The following RPTOR variants were observed in gnomAD, a reference collection of about 807,000 sequenced individuals.
RPTOR encodes the protein regulatory-associated protein of mTOR.
In RPTOR, 21 loss-of-function variants were observed where a neutral mutation model predicts 169.9. That is an observed-to-expected ratio of 0.12 (90% CI 0.09 to 0.18). The LOEUF is 0.18. RPTOR is among the 10% of genes least tolerant of loss of function. The pLI is 1.00. For missense variants in RPTOR, 1,133 were observed against 1,855.9 expected (o/e 0.61, Z 7.16); for synonymous variants, 732 against 753.2 (o/e 0.97, Z 0.46).
chr17:80,889,713 G>A (rs2068292424), intron 17 of RPTOR, among the ~76,000 whole-genome samples: 1 of 152,232 alleles, frequency 6.6e-6, no homozygotes, highest in Non-Finnish European at 1.5e-5. Context: ...GGAAGGGCAG[G>A]AAGGGTCCAA....
intron 3 of RPTOR, among the ~76,000 whole-genome samples, chr17:80,672,162 G>A (rs1375493092): frequency 2.6e-5 from 4 of 152,156 alleles, no homozygotes; most frequent in African/African-American, 4.8e-5. Flanking sequence ...GTGAAGGTCA[G>A]GTTAAGATCT....
chr17:80,753,901 C>A, intron 5 of RPTOR, 109 bp from the exon 6 acceptor site: 1 of 1,040,032 alleles, frequency 9.6e-7, no homozygotes, highest in Non-Finnish European at 1.5e-6. Context: ...TGAAAACTCA[C>A]AGCCTGAGTT....
chr17:80,887,790 G>A (rs184015154), intron 17 of RPTOR, among the ~76,000 whole-genome samples: 171 of 152,348 alleles, frequency 1.1e-3, no homozygotes, highest in African/African-American at 3.8e-3. Context: ...AACGATGGCC[G>A]AGTAGGTTTT....
chr17:80,952,028 A>G (rs993672899), intron 28 of RPTOR, among the ~76,000 whole-genome samples: 4 of 152,150 alleles, frequency 2.6e-5, no homozygotes, highest in African/African-American at 7.2e-5. Flanking sequence ...CACTCACCCA[A>G]TGAGGTCACG....
At chr17:80,769,223 G>T (rs1245072202) in intron 6 of RPTOR, among the ~76,000 whole-genome samples, 1 of 139,378 alleles carries the variant, frequency 7.2e-6, no homozygotes, top group East Asian at 2.0e-4. Flanking sequence ...TGCCAGCCTT[G>T]TTGTAAAATG....
intron 20 of RPTOR, among the ~76,000 whole-genome samples, chr17:80,897,557 G>A (rs1056105086): frequency 3.9e-5 from 6 of 152,204 alleles, no homozygotes; most frequent in African/African-American, 1.4e-4. Flanking sequence ...TGAATTTCTT[G>A]TGAAATATCC....
chr17:80,752,150 C>G (rs887748178), intron 5 of RPTOR, among the ~76,000 whole-genome samples: 1 of 152,210 alleles, frequency 6.6e-6, no homozygotes, highest in African/African-American at 2.4e-5. Context: ...ATCTCACAGC[C>G]TGTGGTGTGT....
At chr17:80,796,137 C>A (rs550902503) in intron 7 of RPTOR, among the ~76,000 whole-genome samples, 25 of 152,324 alleles carry the variant, frequency 1.6e-4, no homozygotes, top group African/African-American at 5.5e-4. Flanking sequence ...ACACTGCTGT[C>A]AAGACACTGC....
chr17:80,700,325 C>G (rs576122098), intron 3 of RPTOR, among the ~76,000 whole-genome samples: 1 of 152,070 alleles, frequency 6.6e-6, no homozygotes, highest in East Asian at 1.9e-4. Flanking sequence ...TGAAACAAGG[C>G]TGGAGGATAA....
At chr17:80,638,592 G>A (rs941074739) in intron 2 of RPTOR, among the ~76,000 whole-genome samples, 3 of 151,654 alleles carry the variant, frequency 2.0e-5, no homozygotes, top group African/African-American at 7.3e-5. Context: ...TTGTAGAGAC[G>A]GGGTCTCATT....
chr17:80,784,983 C>T (rs991240360), intron 6 of RPTOR, among the ~76,000 whole-genome samples: 3 of 152,192 alleles, frequency 2.0e-5, no homozygotes, highest in Non-Finnish European at 4.4e-5. Flanking sequence ...GCCTTGGCCT[C>T]CCAAAGTGCT....
rs1419713768 is a variant in RPTOR at position 80,811,370 on chromosome 17, G to T, written c.891-10831G>T. Among the ~76,000 whole-genome samples the T allele has an allele frequency of 2.6e-5, 4 of 152,184 alleles. No homozygotes were observed. The South Asian group carries it at 6.2e-4, about 24-fold the overall frequency. On this transcript the variant is annotated intron_variant, in intron 7 of 33. Coordinates refer to ENST00000306801, the MANE Select transcript of RPTOR (RefSeq NM_020761.3). ...TACAGCTGTTCACCCTGTTCAGATG[G>T]TGCATCACATGAATGATGTTCAGAT...
At position 80,708,097 on chromosome 17, in the gene RPTOR, C is replaced by T; in HGVS notation, c.507+98C>T. The T allele has an allele frequency of 8.1e-7, 1 of 1,234,204 alleles. No individual in the cohort carries two copies. Among genetic ancestry groups the T allele is most frequent in the Non-Finnish European group, 1.1e-6 (1 of 891,364 alleles). 76.5% of individuals were successfully genotyped at this position (1,234,204 alleles called of 1,614,324 possible). On this transcript the variant is annotated intron_variant, in intron 4 of 33. Transcript: ENST00000306801. This position sits in a 1 kb window ranked among gnomAD's most constrained non-coding sequence, Gnocchi z 4.2. Reference sequence around the variant, plus strand: ...TGCCCATCCGTAGCTTCTGTTAAGCCATTGATGTTTACTGTGTTTCAACAA... The same window carrying T: ...TGCCCATCCGTAGCTTCTGTTAAGCTATTGATGTTTACTGTGTTTCAACAA...
rs2143989188 is a variant in RPTOR, at chr17:80,925,484, C to T, written c.2919+4C>T. On this transcript the variant is annotated splice_donor_region_variant and intron_variant, in intron 24 of 33. Transcript: ENST00000306801. ...TTTTGCCCAGCCCGTCATGAAGGTG[C>T]GCCCGGGGTGTGGGGTTCAGAGTAG... The T allele has an allele frequency of 1.2e-6, 2 of 1,610,038 alleles. No individual in the cohort carries two copies. The highest frequency in any genetic ancestry group is 1.3e-5 in the African/African-American group (1 of 74,962).
At chr17:80,818,725 A>G (rs911014663) in intron 7 of RPTOR, among the ~76,000 whole-genome samples, 5 of 152,082 alleles carry the variant, frequency 3.3e-5, no homozygotes, top group Non-Finnish European at 7.4e-5. Flanking sequence ...TTTCACGATG[A>G]GCTTAGGGAA....
At chr17:80,718,955 T>G (rs985859800) in intron 4 of RPTOR, among the ~76,000 whole-genome samples, 5 of 152,108 alleles carry the variant, frequency 3.3e-5, no homozygotes, top group African/African-American at 1.2e-4. Flanking sequence ...TGAGTCAGGC[T>G]GGTGGGGCGA....
chr17:80,568,371 TA>T (rs1277723360), intron 1 of RPTOR, among the ~76,000 whole-genome samples: 2 of 152,224 alleles, frequency 1.3e-5, no homozygotes, highest in African/African-American at 4.8e-5. Flanking sequence ...ATTTCACCTT[TA>T]TGCTCCTAGC....
intron 3 of RPTOR, among the ~76,000 whole-genome samples, chr17:80,675,758 G>A (rs896973225): frequency 2.6e-5 from 4 of 152,156 alleles, no homozygotes; most frequent in African/African-American, 7.2e-5. Context: ...CAGCACATCC[G>A]TGAATTTCAG....
intron 21 of RPTOR, among the ~76,000 whole-genome samples, chr17:80,919,590 T>A (rs2068720088): frequency 6.6e-6 from 1 of 152,146 alleles, no homozygotes; most frequent in Non-Finnish European, 1.5e-5. Flanking sequence ...GAGGTGGCGC[T>A]CCCGGAACAG....
Sources: gnomAD v4.1 joint callset for allele counts (sites outside exome capture counted in the v4.1 genomes callset) on GRCh38, gnomAD v4.1.1 for gene constraint, Gnocchi (gnomAD v3.1) non-coding constraint, MANE v1.5 for transcripts, NCBI Gene and HGNC (gene_info 2026-07-23, HGNC 2026-07-21) for gene names.